PATJ: variants seen among roughly 807,000 people sequenced by gnomAD.
The protein encoded by PATJ is PATJ crumbs cell polarity complex component.
A neutral mutation model predicts 224.9 loss-of-function variants in PATJ; 190 were observed. That is an observed-to-expected ratio of 0.84 (90% CI 0.75 to 0.95). The LOEUF (loss-of-function observed/expected upper bound fraction) is 0.95, where lower values mean the gene tolerates loss of function less well. Ranked by LOEUF, PATJ falls within the 40% of genes least tolerant of loss-of-function variation. PATJ has a pLI of 0.00. For synonymous variants in PATJ, 769 were observed against 820.3 expected, an observed-to-expected ratio of 0.94 and a Z score of 1.07; for missense variants, 2,121 against 2,270.3, an observed-to-expected ratio of 0.93 and a Z score of 1.34.
intron 26 of PATJ, among the ~76,000 whole-genome samples, chr1:61,920,832 G>A (rs1308110086): frequency 6.7e-6 from 1 of 149,730 alleles, no homozygotes; most frequent in African/African-American, 2.5e-5. Flanking sequence ...GCAGCCTCCT[G>A]AGTAGCTGGG....
At position 61,808,523 on chromosome 1, in the gene PATJ, A is replaced by T. The variant is rs1654030620; in HGVS notation, c.1676A>T (p.Tyr559Phe). 6.3e-7 allele frequency: 1 copy of T among 1,599,590 alleles called. No homozygotes were observed. Among genetic ancestry groups the T allele is most frequent in the South Asian group, 1.1e-5 (1 of 90,386 alleles). The change falls in exon 14 of 44, where the codon TAT (tyrosine) becomes TTT (phenylalanine). Residue 559 changes from tyrosine (Y) to phenylalanine (F), a missense_variant. Tyr to Phe is a conservative substitution (Grantham distance 22). Coordinates refer to ENST00000642238, the MANE Select transcript of PATJ (RefSeq NM_001350145.3). ...QIADDAELQKYSKLLPIHTLR... is the reference protein window; with the variant it reads ...QIADDAELQKFSKLLPIHTLR... ...GCAGATGATGCTGAGTTACAGAAAT[A>T]TTCAAAGGTAAGCATTTTTTATAAC...
intron 4 of PATJ, among the ~76,000 whole-genome samples, chr1:61,767,780 G>A (rs1048260747): frequency 2.7e-5 from 4 of 150,544 alleles, no homozygotes; most frequent in Admixed American, 6.7e-5. Flanking sequence ...GGGTTCAAGC[G>A]ATTCTCCTGC....
At chr1:62,009,851 G>A (rs988058441) in intron 28 of PATJ, among the ~76,000 whole-genome samples, 4 of 152,114 alleles carry the variant, frequency 2.6e-5, no homozygotes, top group African/African-American at 4.8e-5. Context: ...TTGGGAGGCC[G>A]AGGTGGGCGG....
chr1:62,156,589 A>G (rs1669245320), intron 43 of PATJ, among the ~76,000 whole-genome samples: 3 of 151,408 alleles, frequency 2.0e-5, no homozygotes, highest in Non-Finnish European at 2.9e-5. Flanking sequence ...GTCCCAAAGG[A>G]TTTATTATAA....
chr1:62,153,313 C>T (rs1193293897), intron 42 of PATJ, 45 bp from the exon 43 acceptor site: 1 of 1,212,052 alleles, frequency 8.3e-7, no homozygotes. Flanking sequence ...GAAATTCCCT[C>T]TCAATATCTA....
At chr1:61,871,668 T>C (rs1246596804) in intron 20 of PATJ, among the ~76,000 whole-genome samples, 1 of 147,800 alleles carries the variant, frequency 6.8e-6, no homozygotes, top group African/African-American at 2.5e-5. Context: ...GTTCAAGCAA[T>C]TCTCCTACCT....
intron 27 of PATJ, among the ~76,000 whole-genome samples, chr1:61,945,284 A>G (rs1678499668): frequency 6.6e-6 from 1 of 152,212 alleles, no homozygotes; most frequent in South Asian, 2.1e-4. Context: ...AGACTAGCAA[A>G]TTGGATAAAG....
chr1:61,757,972 T>C lies in PATJ; in HGVS notation c.-35-4886T>C, dbSNP rs115771350. ...TGGCTTAACTCTTCTTCTAGAAACC[T>C]ACACACACACATTTTTTTTTCTTAC... On this transcript the variant is annotated intron_variant, in intron 1 of 43. Coordinates refer to ENST00000642238, the MANE Select transcript of PATJ (RefSeq NM_001350145.3). 7.3e-3 allele frequency among the ~76,000 whole-genome samples: 1,111 copies of C among 152,266 alleles called. 20 individuals carry two copies. Among genetic ancestry groups the C allele is most frequent in the African/African-American group, 0.025 (1,050 of 41,550 alleles).
chr1:61,811,999 T>TG (rs1654869791), intron 14 of PATJ, among the ~76,000 whole-genome samples: 1 of 151,478 alleles, frequency 6.6e-6, no homozygotes, highest in Admixed American at 6.6e-5. Context: ...AGGCGGAGCT[T>TG]GCAGTGAGCC....
chr1:61,900,173 T>C (rs939458327), intron 23 of PATJ, among the ~76,000 whole-genome samples: 1 of 152,234 alleles, frequency 6.6e-6, no homozygotes, highest in Non-Finnish European at 1.5e-5. Flanking sequence ...TTTAAGATGA[T>C]GAAAGTCTTC....
intron 31 of PATJ, among the ~76,000 whole-genome samples, chr1:62,055,073 T>C (rs752908354): frequency 6.6e-6 from 1 of 152,036 alleles, no homozygotes; most frequent in African/African-American, 2.4e-5. Flanking sequence ...AAAAAAAAAT[T>C]TAAGTTTTTT....
intron 30 of PATJ, among the ~76,000 whole-genome samples, chr1:62,043,237 T>C (rs933968060): frequency 1.3e-5 from 2 of 152,192 alleles, no homozygotes; most frequent in African/African-American, 4.8e-5. Flanking sequence ...AAAAATATTT[T>C]ATTCCTACAG....
chr1:61,845,809 C>G (rs1213675278), intron 17 of PATJ, among the ~76,000 whole-genome samples: 1 of 152,158 alleles, frequency 6.6e-6, no homozygotes, highest in African/African-American at 2.4e-5. Context: ...AGAGATGGCT[C>G]CAATCTTACA....
intron 17 of PATJ, chr1:61,852,659 T>A (rs1370310324): frequency 6.6e-6 from 1 of 152,220 alleles, no homozygotes; most frequent in Non-Finnish European, 1.5e-5. Flanking sequence ...GAGAAGTGTC[T>A]CTATAACATT....
At chr1:62,036,880 A>AAAAAAAAAAAAAAAAAAAAAAAAAAG (rs1650498119) in intron 29 of PATJ, among the ~76,000 whole-genome samples, 1 of 149,732 alleles carries the variant, frequency 6.7e-6, no homozygotes, top group Non-Finnish European at 1.5e-5. Context: ...TCAAAAAAAA[A>AAAAAAAAAAAAAAAAAAAAAAAAAAG]AGAAGGAAGA....
At chr1:62,042,950 C>T (rs116263195) in intron 30 of PATJ, among the ~76,000 whole-genome samples, 1,841 of 152,306 alleles carry the variant, frequency 0.012, 17 homozygotes, top group Middle Eastern at 0.048. Flanking sequence ...CCTAGTGTCA[C>T]TGAGCTCTTA....
intron 43 of PATJ, among the ~76,000 whole-genome samples, chr1:62,158,594 G>C (rs147857757): frequency 0.04 from 5,933 of 148,472 alleles, 570 homozygotes; most frequent in Non-Finnish European, 0.056. Context: ...GGTGGCGGGC[G>C]CCTGTAGTCC....
At chr1:62,096,001 T>A (rs540951691) in intron 33 of PATJ, among the ~76,000 whole-genome samples, 69 of 152,266 alleles carry the variant, frequency 4.5e-4, no homozygotes, top group African/African-American at 1.6e-3. Flanking sequence ...ATGAAGCACA[T>A]CCTCGTCTTC....
At chr1:62,141,446 G>A (rs1020787411) in intron 41 of PATJ, among the ~76,000 whole-genome samples, 1 of 151,610 alleles carries the variant, frequency 6.6e-6, no homozygotes, top group Admixed American at 6.6e-5. Context: ...AGGCCGAGAT[G>A]GCCAGATCAC....
Sources: gnomAD v4.1 joint callset for allele counts (sites outside exome capture counted in the v4.1 genomes callset) on GRCh38, gnomAD v4.1.1 for gene constraint, MANE v1.5 for transcripts, NCBI Gene and HGNC (gene_info 2026-07-23, HGNC 2026-07-21) for gene names.